The following RPTOR variants were observed in gnomAD, a reference collection of about 807,000 sequenced individuals.
The protein encoded by RPTOR is regulatory associated protein of MTOR complex 1, also known as regulatory-associated protein of mTOR.
A neutral mutation model predicts 169.9 loss-of-function variants in RPTOR; 21 were observed. The ratio of observed to expected loss-of-function variants is 0.12; its 90% confidence interval spans 0.09 to 0.18. The LOEUF (loss-of-function observed/expected upper bound fraction) is 0.18. Ranked by LOEUF, RPTOR falls within the 10% of genes least tolerant of loss-of-function variation. The probability of loss-of-function intolerance (pLI) is 1.00; values close to 1 mark genes in which losing one functional copy is unlikely to be tolerated. For missense variants in RPTOR, 1,133 were observed against 1,855.9 expected (o/e 0.61, Z 7.16); for synonymous variants, 732 against 753.2 (o/e 0.97, Z 0.46).
At chr17:80,948,903 T>G (rs992458635) in intron 27 of RPTOR, among the ~76,000 whole-genome samples, 1 of 152,092 alleles carries the variant, frequency 6.6e-6, no homozygotes, top group African/African-American at 2.4e-5. Flanking sequence ...TGCCCACGTC[T>G]TAGGCGGAGA....
Position 80,740,595 on chromosome 17 carries a change from C to T in RPTOR, c.654+9889C>T, listed in dbSNP as rs540861509. Among the ~76,000 whole-genome samples the T allele has an allele frequency of 7.9e-5, 12 of 152,124 alleles. No homozygotes were observed. The East Asian group carries it at 1.3e-3, about 17-fold the overall frequency. On this transcript the variant is annotated intron_variant, in intron 5 of 33. Transcript: ENST00000306801. Reference sequence around the variant, plus strand: ...CGCTGTGACTTAGTGAGTTTTTTTACGGGTGTAGAAGTCTAGTTCAATGTT... The same window carrying T: ...CGCTGTGACTTAGTGAGTTTTTTTATGGGTGTAGAAGTCTAGTTCAATGTT...
At chr17:80,811,467 AT>A (rs1294577383) in intron 7 of RPTOR, among the ~76,000 whole-genome samples, 1 of 152,134 alleles carries the variant, frequency 6.6e-6, no homozygotes, top group African/African-American at 2.4e-5. Flanking sequence ...AGATTGCGGG[AT>A]TTTACTTGCA....
rs141518297 is a variant in RPTOR at position 80,709,090 on chromosome 17, G to T, written c.507+1091G>T. ...GGCTTCTGACCCTGGACACTGAGGA[G>T]TAGCCAGCCTCGGAAGTTAGAAAGG... On this transcript the variant is annotated intron_variant, in intron 4 of 33. Transcript: ENST00000306801. The T allele has an allele frequency of 2.3e-3, 2,276 of 985,494 alleles. 33 individuals are homozygous for T. The African/African-American group carries it at 0.027, about 12-fold the overall frequency. 61.0% of individuals were successfully genotyped at this position (985,494 alleles called of 1,614,324 possible).
intron 11 of RPTOR, among the ~76,000 whole-genome samples, chr17:80,851,312 A>G (rs529046721): frequency 6.6e-6 from 1 of 152,256 alleles, no homozygotes; most frequent in East Asian, 1.9e-4. Flanking sequence ...TTACTTCTAT[A>G]ATTTCCATAG....
At chr17:80,777,314 A>T (rs746950463) in intron 6 of RPTOR, among the ~76,000 whole-genome samples, 1 of 152,044 alleles carries the variant, frequency 6.6e-6, no homozygotes, top group Admixed American at 6.6e-5. Flanking sequence ...GGTCATCTGG[A>T]TAGTAAAGAT....
intron 7 of RPTOR, among the ~76,000 whole-genome samples, chr17:80,799,203 C>G (rs1011780995): frequency 4.5e-4 from 68 of 152,222 alleles, no homozygotes; most frequent in African/African-American, 1.6e-3. Flanking sequence ...CAGGCAGAAA[C>G]AGGCTCTCGT....
At chr17:80,805,312 T>G (rs62069405) in intron 7 of RPTOR, 5,684 of 152,380 alleles carry the variant, frequency 0.037, 156 homozygotes, top group East Asian at 0.11. Context: ...GCCAGATTTT[T>G]GCAGAGAAGC....
intron 4 of RPTOR, among the ~76,000 whole-genome samples, chr17:80,727,044 C>T (rs953349122): frequency 5.3e-5 from 8 of 152,066 alleles, no homozygotes; most frequent in South Asian, 2.1e-4. Flanking sequence ...GCTGCGAGAA[C>T]GTGGGCGCTA....
In RPTOR at chr17:80,964,323, T is replaced by C; in HGVS notation, c.4001T>C (p.Val1334Ala). The change falls in exon 34 of 34, where the codon GTC (valine) becomes GCC (alanine). Residue 1334 changes from valine (V) to alanine (A), a missense_variant. Transcript: ENST00000306801. ...YISVYSVEKR[V>A]R ...TCCGTGTACTCGGTGGAGAAGCGTG[T>C]CAGATAGCGGCGTGACCCGGGCCCA... 1 of 1,607,434 alleles carries C rather than the reference T, an allele frequency of 6.2e-7. No individual in the cohort carries two copies. The highest frequency in any genetic ancestry group is 8.5e-7 in the Non-Finnish European group (1 of 1,179,820).
chr17:80,826,714 G>A (rs1453380854), intron 9 of RPTOR, among the ~76,000 whole-genome samples: 2 of 152,248 alleles, frequency 1.3e-5, no homozygotes, highest in East Asian at 3.9e-4. Context: ...AGAAGAACCA[G>A]GCCAGGAGTG....
chr17:80,713,778 T>G (rs1345438168), intron 4 of RPTOR, among the ~76,000 whole-genome samples: 1 of 152,170 alleles, frequency 6.6e-6, no homozygotes, highest in Non-Finnish European at 1.5e-5. Flanking sequence ...ATCCTGAGTG[T>G]GCGTGCGCTT....
chr17:80,685,202 T>TCGGAGTC (rs1409107895), intron 3 of RPTOR, among the ~76,000 whole-genome samples: 13 of 108,038 alleles, frequency 1.2e-4, no homozygotes, highest in African/African-American at 5.4e-4. Context: ...CAGGGTCGCT[T>TCGGAGTC]GTTGCGTTTT....
chr17:80,612,165 T>C (rs2065276146), intron 1 of RPTOR, among the ~76,000 whole-genome samples: 1 of 152,200 alleles, frequency 6.6e-6, no homozygotes, highest in South Asian at 2.1e-4. Context: ...GTTCTCACTC[T>C]TTCACCCAGG....
rs571737886 is a variant in RPTOR, at chr17:80,721,503, C to G, written c.508-9057C>G. The stretch of plus-strand genomic sequence containing the variant: ...CATCTGGCCCTGGAAAGAGGCACAC[C>G]CAGCAGCGGGCTCTCCTGGCTCACC... On this transcript the variant is annotated intron_variant, in intron 4 of 33. Transcript: ENST00000306801. The surrounding 1 kb of genome is among the most constrained non-coding windows in gnomAD (Gnocchi z 4.7). Among the ~76,000 whole-genome samples, 4 of 151,470 alleles carry G rather than the reference C, an allele frequency of 2.6e-5. No homozygotes were observed. Among genetic ancestry groups the G allele is most frequent in the African/African-American group, 9.8e-5 (4 of 40,776 alleles).
At chr17:80,954,136 T>C (rs2069218285) in intron 28 of RPTOR, among the ~76,000 whole-genome samples, 1 of 152,196 alleles carries the variant, frequency 6.6e-6, no homozygotes, top group South Asian at 2.1e-4. Context: ...ATCTTTTTTC[T>C]TTTGAGACGG....
intron 6 of RPTOR, among the ~76,000 whole-genome samples, chr17:80,771,174 T>G (rs1293272206): frequency 6.6e-6 from 1 of 152,182 alleles, no homozygotes; most frequent in Non-Finnish European, 1.5e-5. Context: ...TCCCACTCTC[T>G]GGCCAGCCTC....
At chr17:80,600,038 A>G (rs552005913) in intron 1 of RPTOR, among the ~76,000 whole-genome samples, 2 of 152,300 alleles carry the variant, frequency 1.3e-5, no homozygotes, top group African/African-American at 4.8e-5. Flanking sequence ...GGCAAAATGC[A>G]TCTGGACTGG....
intron 1 of RPTOR, among the ~76,000 whole-genome samples, chr17:80,556,248 A>G (rs1174807091): frequency 6.6e-6 from 1 of 152,044 alleles, no homozygotes; most frequent in Non-Finnish European, 1.5e-5. Context: ...ATACACAACA[A>G]TTCCCTAGCT....
intron 10 of RPTOR, among the ~76,000 whole-genome samples, chr17:80,841,517 A>C (rs1441690297): frequency 1.8e-5 from 1 of 55,838 alleles, no homozygotes. Context: ...AGCTCACACC[A>C]CACGGCAGCT....
Sources: gnomAD v4.1 joint callset for allele counts (sites outside exome capture counted in the v4.1 genomes callset) on GRCh38, gnomAD v4.1.1 for gene constraint, Gnocchi (gnomAD v3.1) non-coding constraint, MANE v1.5 for transcripts, NCBI Gene and HGNC (gene_info 2026-07-23, HGNC 2026-07-21) for gene names.